PCLO: variants seen among roughly 807,000 people sequenced by gnomAD.
The protein encoded by PCLO is piccolo presynaptic cytomatrix protein.
PCLO carries 82 observed loss-of-function variants against 427.5 expected under a neutral mutation model. That is an observed-to-expected ratio of 0.19 (90% CI 0.16 to 0.23). PCLO has a LOEUF of 0.23. PCLO is among the 10% of genes least tolerant of loss of function. The probability of loss-of-function intolerance (pLI) is 1.00; values close to 1 mark genes in which losing one functional copy is unlikely to be tolerated. For synonymous variants in PCLO, 2,357 were observed against 2,155.4 expected (o/e 1.09, Z -2.59); for missense variants, 6,239 against 6,115.9 (o/e 1.02, Z -0.67).
At chr7:82,839,718 G>A (rs1397254842) in intron 14 of PCLO, among the ~76,000 whole-genome samples, 3 of 151,942 alleles carry the variant, frequency 2.0e-5, no homozygotes, top group Admixed American at 1.3e-4. Context: ...CAGGCCACCC[G>A]AAGAGAGTGC....
chr7:82,819,539 G>A (rs922927785), intron 20 of PCLO, among the ~76,000 whole-genome samples: 4 of 152,074 alleles, frequency 2.6e-5, no homozygotes, highest in Admixed American at 2.6e-4. Flanking sequence ...GGAAGAAAAG[G>A]TGAGAGGTGG....
intron 3 of PCLO, among the ~76,000 whole-genome samples, chr7:83,025,242 T>C (rs542152340): frequency 2.6e-4 from 39 of 151,650 alleles, no homozygotes; most frequent in Non-Finnish European, 4.9e-4. Flanking sequence ...GAATAACCAA[T>C]ACAGAGAAGT....
At chr7:83,044,227 C>T (rs1021564432) in intron 3 of PCLO, among the ~76,000 whole-genome samples, 6 of 152,008 alleles carry the variant, frequency 3.9e-5, no homozygotes, top group Non-Finnish European at 7.4e-5. Context: ...GGGGAACCGC[C>T]CCCATGATCC....
At chr7:82,898,682 C>A (rs75756427) in intron 9 of PCLO, among the ~76,000 whole-genome samples, 5,962 of 151,294 alleles carry the variant, frequency 0.039, 404 homozygotes, top group African/African-American at 0.14. Flanking sequence ...GTTTTGATTA[C>A]TTTTTCCCTA....
intron 16 of PCLO, among the ~76,000 whole-genome samples, chr7:82,829,961 AACTT>A (rs1792051427): frequency 6.6e-6 from 1 of 152,180 alleles, no homozygotes; most frequent in East Asian, 1.9e-4. Flanking sequence ...TTTGATCAAA[AACTT>A]AATATGGTAT....
rs780629154 is a variant in PCLO at position 82,966,481 on chromosome 7, C to T, written c.3307G>A (p.Glu1103Lys). The change falls in exon 4 of 25, where the codon GAA becomes AAA. Residue 1103 changes from glutamate to lysine, a missense_variant. By Grantham distance (56) the Glu-to-Lys change is moderately conservative (BLOSUM62 1). This residue lies in a region of PCLO where 4,677 missense variants were observed against 4,468.4 expected (regional missense o/e 1.05). Transcript: ENST00000333891. ...GTTTGGCAATTTAAACAAAGCCATTCTTGAATCTGTGGGAAAAAAATTACA... is the reference window on the plus strand; with the variant it reads ...GTTTGGCAATTTAAACAAAGCCATTTTTGAATCTGTGGGAAAAAAATTACA... ...NPTPHLTEIQ[E>K]WLCLNCQTQR... The T allele has an allele frequency of 1.3e-6, 2 of 1,557,788 alleles. No homozygotes were observed. The highest frequency in any genetic ancestry group is 1.7e-6 in the Non-Finnish European group (2 of 1,154,458).
chr7:82,876,324 C>T (rs1793368596), intron 10 of PCLO, among the ~76,000 whole-genome samples: 1 of 151,954 alleles, frequency 6.6e-6, no homozygotes, highest in Non-Finnish European at 1.5e-5. Flanking sequence ...TAATGCCTCA[C>T]ATCAGGCATA....
chr7:82,771,047 G>T (rs1790637040), intron 22 of PCLO, among the ~76,000 whole-genome samples: 1 of 151,860 alleles, frequency 6.6e-6, no homozygotes, highest in African/African-American at 2.4e-5. Flanking sequence ...TAGTTACCGT[G>T]TGTTTGAAAG....
rs938071806 is a variant in PCLO, at chr7:83,134,629, G to C, written c.2921C>G (p.Pro974Arg). The C allele has an allele frequency of 1.4e-5, 23 of 1,613,802 alleles. No individual in the cohort carries two copies. Among genetic ancestry groups the C allele is most frequent in the Non-Finnish European group, 1.9e-5 (22 of 1,179,882 alleles). ...GGATTTGGGTGGCCCTTGTGAAGTA[G>C]GTGGCTGTGAAGGGGCAGGGGCTTG... ...MKQAPAPSQPPTSQGPPKSTG... is the reference protein window; with the variant it reads ...MKQAPAPSQPRTSQGPPKSTG... Residue 974 changes from proline (P) to arginine (R), a missense_variant, in exon 3 of 25, where the codon CCT becomes CGT. By Grantham distance (103) the Pro-to-Arg change is moderately radical. Transcript: ENST00000333891.
chr7:83,119,776 T>G (rs1791226779), intron 3 of PCLO, among the ~76,000 whole-genome samples: 2 of 148,626 alleles, frequency 1.3e-5, no homozygotes, highest in Non-Finnish European at 3.0e-5. Context: ...TTGAGGAAGC[T>G]TAACAAAATT....
chr7:82,825,676 G>A lies in PCLO; in HGVS notation c.14415+913C>T, dbSNP rs112060208. On this transcript the variant is annotated intron_variant, in intron 18 of 24. Coordinates refer to ENST00000333891, the MANE Select transcript of PCLO (RefSeq NM_033026.6). ...AGTATATATACATTGTATATATAACGTGTATATATACATTATATATACACT... is the reference window on the plus strand; with the variant it reads ...AGTATATATACATTGTATATATAACATGTATATATACATTATATATACACT... 3.1e-3 allele frequency among the ~76,000 whole-genome samples: 459 copies of A among 146,702 alleles called. 3 individuals carry two copies. Among genetic ancestry groups the A allele is most frequent in the African/African-American group, 0.011 (444 of 40,334 alleles).
At chr7:82,767,335 A>T (rs536027421) in intron 22 of PCLO, among the ~76,000 whole-genome samples, 1 of 152,160 alleles carries the variant, frequency 6.6e-6, no homozygotes, top group Non-Finnish European at 1.5e-5. Flanking sequence ...TTATCCTATA[A>T]TGTGGCACAA....
intron 3 of PCLO, among the ~76,000 whole-genome samples, chr7:83,062,199 T>C (rs1435096647): frequency 6.6e-6 from 1 of 152,206 alleles, no homozygotes; most frequent in Admixed American, 6.5e-5. Context: ...TTATCTACAA[T>C]TGGATCTGAA....
chr7:82,862,566 C>CA (rs36075501), intron 10 of PCLO, among the ~76,000 whole-genome samples: 25,373 of 91,892 alleles, frequency 0.28, 3,129 homozygotes, highest in African/African-American at 0.34. Context: ...GACTCTGCCT[C>CA]AAAAAAAAAA....
chr7:83,162,396 A>AC lies in PCLO; in HGVS notation c.196_197insG (p.Leu66ArgfsTer24), dbSNP rs1257803554. On this transcript the variant is annotated frameshift_variant, in exon 1 of 25. Transcript: ENST00000333891. LOFTEE classifies it high-confidence loss of function. ...GGCCGGGGGGACGCTTCCCTTGGGC[A>AC]GCCCCTGCGCCCTTGACATGACAGC... 6.3e-7 allele frequency: 1 copy of AC among 1,599,202 alleles called. No individual in the cohort carries two copies. The highest frequency in any genetic ancestry group is 1.1e-5 in the South Asian group (1 of 88,464).
At chr7:82,820,896 G>A in intron 20 of PCLO, 1 of 1,230,500 alleles carries the variant, frequency 8.1e-7, no homozygotes, top group Non-Finnish European at 1.0e-6. Context: ...AAGATGCCCA[G>A]TGCATAGAAA....
chr7:83,024,018 T>C (rs1466698297), intron 3 of PCLO, among the ~76,000 whole-genome samples: 1 of 152,232 alleles, frequency 6.6e-6, no homozygotes, highest in East Asian at 1.9e-4. Flanking sequence ...TGATCATTTA[T>C]TGCTTACTGG....
intron 3 of PCLO, among the ~76,000 whole-genome samples, chr7:83,009,216 T>C (rs1041002164): frequency 2.0e-5 from 3 of 151,892 alleles, no homozygotes; most frequent in Non-Finnish European, 4.4e-5. Flanking sequence ...CAGAATATTA[T>C]GTAATATCTG....
chr7:82,877,472 C>G (rs2116031772), intron 10 of PCLO, among the ~76,000 whole-genome samples: 1 of 152,134 alleles, frequency 6.6e-6, no homozygotes, highest in Admixed American at 6.5e-5. Context: ...TTTATATATC[C>G]TTATTAGACT....
Sources: gnomAD v4.1 joint callset for allele counts (sites outside exome capture counted in the v4.1 genomes callset) on GRCh38, gnomAD v4.1.1 for gene constraint, gnomAD v4.1.1 regional missense constraint, MANE v1.5 for transcripts, NCBI Gene and HGNC (gene_info 2026-07-23, HGNC 2026-07-21) for gene names.